Variants in TMEM51 observed in about 807,000 individuals in gnomAD.
The protein encoded by TMEM51 is chromosome 1 open reading frame 72.
In TMEM51, 8 loss-of-function variants were observed where a neutral mutation model predicts 13.6. That is an observed-to-expected ratio of 0.59 (90% CI 0.35 to 1.07). The LOEUF is 1.07. Among genes scored for constraint, TMEM51 ranks in the 50% least tolerant of loss-of-function variants. TMEM51 has a pLI of 0.02. For missense variants in TMEM51, 279 were observed against 330.7 expected (o/e 0.84, Z 1.21); for synonymous variants, 147 against 144.4 (o/e 1.02, Z -0.13).
In TMEM51 at chr1:15,183,085, C is replaced by T. The variant is rs1643670135; in HGVS notation, c.-266-27405C>T. Reference sequence around the variant, plus strand: ...GCCAATGGCTTCTAAATTTGAGTAGCCCCAGCATCTTCCCTGTTGGACTTG... The same window carrying T: ...GCCAATGGCTTCTAAATTTGAGTAGTCCCAGCATCTTCCCTGTTGGACTTG... On this transcript the variant is annotated intron_variant, in intron 1 of 3. Coordinates refer to ENST00000376008, the MANE Select transcript of TMEM51 (RefSeq NM_001136218.2). Among the ~76,000 whole-genome samples the T allele has an allele frequency of 2.6e-5, 4 of 152,150 alleles. No individual in the cohort carries two copies. The South Asian group carries it at 8.3e-4, about 32-fold the overall frequency.
chr1:15,197,888 A>G (rs1237729341), intron 1 of TMEM51, among the ~76,000 whole-genome samples: 2 of 135,602 alleles, frequency 1.5e-5, no homozygotes, highest in Non-Finnish European at 3.1e-5. Context: ...GCCAGCCACC[A>G]CCTTTCCTCC....
intron 1 of TMEM51, among the ~76,000 whole-genome samples, chr1:15,158,518 C>G (rs1387148734): frequency 1.3e-5 from 2 of 152,188 alleles, no homozygotes; most frequent in African/African-American, 2.4e-5. Context: ...CCAAATCTCC[C>G]TGGGATTAGG....
chr1:15,197,787 G>A (rs1280841507), intron 1 of TMEM51, among the ~76,000 whole-genome samples: 6 of 151,922 alleles, frequency 3.9e-5, no homozygotes, highest in Non-Finnish European at 7.4e-5. Context: ...TTCAGCTGCC[G>A]TAGCCCTCCA....
chr1:15,168,396 G>A, intron 1 of TMEM51: 1 of 1,210,094 alleles, frequency 8.3e-7, no homozygotes, highest in Admixed American at 3.0e-5. Context: ...GGACTGTAGA[G>A]GCAATCTTTT....
chr1:15,180,818 T>C (rs915200667), intron 1 of TMEM51, among the ~76,000 whole-genome samples: 1 of 152,186 alleles, frequency 6.6e-6, no homozygotes, highest in Non-Finnish European at 1.5e-5. Flanking sequence ...CAAGGTGCTA[T>C]TCTTATCTGC....
At position 15,215,099 on chromosome 1, in the gene TMEM51, G is replaced by A; in HGVS notation, c.12G>A (p.Gln4=). ...CTCCTCCCACTGACATGATGGCCCAGTCCAAGGCCAATGGCTCGCACTATG... is the reference window on the plus strand; with the variant it reads ...CTCCTCCCACTGACATGATGGCCCAATCCAAGGCCAATGGCTCGCACTATG... MMA[Q]SKANGSHYAL... is the part of the protein sequence containing the mutation. The change falls in exon 3 of 4, where the codon CAG becomes CAA. Residue 4 remains glutamine, a synonymous_variant. Transcript: ENST00000376008. 1 of 1,610,194 alleles carries A rather than the reference G, an allele frequency of 6.2e-7. No homozygotes were observed. Among genetic ancestry groups the A allele is most frequent in the Non-Finnish European group, 8.5e-7 (1 of 1,177,188 alleles).
At chr1:15,187,298 C>T (rs1228920618) in intron 1 of TMEM51, among the ~76,000 whole-genome samples, 1 of 152,108 alleles carries the variant, frequency 6.6e-6, no homozygotes, top group Non-Finnish European at 1.5e-5. Flanking sequence ...TCTTCCTCCC[C>T]TGCGCTTCCA....
In TMEM51 at chr1:15,168,469, G is replaced by A. The variant is rs553878994; in HGVS notation, c.-267+14515G>A. On this transcript the variant is annotated intron_variant, in intron 1 of 3. Coordinates refer to ENST00000376008, the MANE Select transcript of TMEM51 (RefSeq NM_001136218.2). Reference sequence around the variant, plus strand: ...TACATCTGCAATTAGCTGTAACTCAGAATGTATAAGTTCCAATTTTATGTA... The same window carrying A: ...TACATCTGCAATTAGCTGTAACTCAAAATGTATAAGTTCCAATTTTATGTA... The A allele has an allele frequency of 3.9e-6, 5 of 1,295,360 alleles. No homozygotes were observed. The East Asian group carries it at 2.8e-4, about 72-fold the overall frequency. 80.2% of individuals were successfully genotyped at this position (1,295,360 alleles called of 1,614,324 possible). A position where few individuals can be genotyped will look rare whatever the true frequency, so the allele number is the denominator to read the frequency against.
At chr1:15,181,819 G>A (rs372200354) in intron 1 of TMEM51, among the ~76,000 whole-genome samples, 29 of 152,290 alleles carry the variant, frequency 1.9e-4, no homozygotes, top group South Asian at 1.0e-3. Flanking sequence ...AAACCGTGAC[G>A]TCTGGCTGCC....
At chr1:15,193,394 C>A (rs928439112) in intron 1 of TMEM51, among the ~76,000 whole-genome samples, 5 of 152,106 alleles carry the variant, frequency 3.3e-5, no homozygotes, top group African/African-American at 1.2e-4. Flanking sequence ...TGGCACCTAA[C>A]GTGGAGTTAT....
chr1:15,158,819 T>C (rs543346842), intron 1 of TMEM51, among the ~76,000 whole-genome samples: 6 of 152,202 alleles, frequency 3.9e-5, no homozygotes, highest in Non-Finnish European at 7.3e-5. Context: ...AGCCACTTAC[T>C]AGTGGATTTG....
chr1:15,214,608 C>T (rs897815677), intron 2 of TMEM51, among the ~76,000 whole-genome samples: 43 of 152,224 alleles, frequency 2.8e-4, no homozygotes, highest in African/African-American at 9.9e-4. Flanking sequence ...AAATTCCACA[C>T]AATGTTTTAA....
intron 2 of TMEM51, among the ~76,000 whole-genome samples, chr1:15,213,123 T>C (rs895653000): frequency 7.9e-5 from 12 of 152,246 alleles, no homozygotes; most frequent in African/African-American, 2.4e-4. Flanking sequence ...GTATTCCCTA[T>C]AGATCATTTT....
intron 1 of TMEM51, among the ~76,000 whole-genome samples, chr1:15,204,268 C>T (rs1012814471): frequency 6.6e-6 from 1 of 152,182 alleles, no homozygotes; most frequent in Non-Finnish European, 1.5e-5. Context: ...AAGTTGTCCA[C>T]CTAGGCTGGG....
chr1:15,178,152 A>ACCTGTGTGGCCAGGCTGGAGT (rs58447303), intron 1 of TMEM51, among the ~76,000 whole-genome samples: 87,274 of 151,250 alleles, frequency 0.58, 26,299 homozygotes, highest in East Asian at 0.92. Context: ...GTGGCTGGAG[A>ACCTGTGTGGCCAGGCTGGAGT]CCTGTGTGGC....
chr1:15,173,214 CTTTTTTTTTTTTT>C (rs3078132), intron 1 of TMEM51, among the ~76,000 whole-genome samples: 1 of 97,034 alleles, frequency 1.0e-5, no homozygotes, highest in Non-Finnish European at 2.0e-5. Context: ...TGATCATATT[CTTTTTTTTTTTTT>C]TTTTTTTTTT....
intron 1 of TMEM51, among the ~76,000 whole-genome samples, chr1:15,190,897 C>T (rs546680829): frequency 1.3e-5 from 2 of 152,254 alleles, no homozygotes; most frequent in Non-Finnish European, 2.9e-5. Flanking sequence ...AAGCAATTCT[C>T]CTGCCTCAGC....
At chr1:15,171,808 A>G (rs1643286229) in intron 1 of TMEM51, among the ~76,000 whole-genome samples, 1 of 152,012 alleles carries the variant, frequency 6.6e-6, no homozygotes, top group Non-Finnish European at 1.5e-5. Flanking sequence ...TTGCCGCGGA[A>G]CCTCCTCCTT....
At chr1:15,182,443 T>A (rs1457156518) in intron 1 of TMEM51, among the ~76,000 whole-genome samples, 1 of 152,172 alleles carries the variant, frequency 6.6e-6, no homozygotes, top group Non-Finnish European at 1.5e-5. Flanking sequence ...TATGTGATCA[T>A]CAGTATACCA....
Sources: gnomAD v4.1 joint callset for allele counts (sites outside exome capture counted in the v4.1 genomes callset) on GRCh38, gnomAD v4.1.1 for gene constraint, MANE v1.5 for transcripts, NCBI Gene and HGNC (gene_info 2026-07-23, HGNC 2026-07-21) for gene names.